The following PFKFB4 variants were observed in gnomAD, a reference collection of about 807,000 sequenced individuals.
PFKFB4 encodes 6-phosphofructo-2-kinase/fructose-2,6-biphosphatase 4, also known as 6-phosphofructo-2-kinase/fructose-2,6-bisphosphatase 4.
PFKFB4 carries 42 observed loss-of-function variants against 62.8 expected under a neutral mutation model. The ratio of observed to expected loss-of-function variants is 0.67; its 90% confidence interval spans 0.52 to 0.86. The LOEUF is 0.86. Ranked by LOEUF, PFKFB4 falls within the 40% of genes least tolerant of loss-of-function variation. The probability of loss-of-function intolerance (pLI) is 0.00; values close to 1 mark genes in which losing one functional copy is unlikely to be tolerated. For missense variants in PFKFB4, 475 were observed against 627.2 expected (o/e 0.76, Z 2.59); for synonymous variants, 204 against 240.7 (o/e 0.85, Z 1.41).
At chr3:48,527,891 G>A (rs920966817) in intron 9 of PFKFB4, among the ~76,000 whole-genome samples, 1 of 151,988 alleles carries the variant, frequency 6.6e-6, no homozygotes, top group African/African-American at 2.4e-5. Flanking sequence ...GTTTCGCCAT[G>A]TTGACCAGGC....
intron 10 of PFKFB4, among the ~76,000 whole-genome samples, chr3:48,524,709 T>C (rs2042202663): frequency 6.6e-6 from 1 of 152,194 alleles, no homozygotes; most frequent in Non-Finnish European, 1.5e-5. Context: ...GATGGTACAG[T>C]GTAGAGACCT....
Position 48,520,949 on chromosome 3 carries a change from G to A in PFKFB4, c.1350+1037C>T, listed in dbSNP as rs148745947. ...GCCTTCCTTGGCCCAAAGGATGCCC[G>A]TTGGGAGGTACGTTCCCCTGTGACT... On this transcript the variant is annotated intron_variant, in intron 13 of 13. Transcript: ENST00000232375. Among the ~76,000 whole-genome samples the A allele has an allele frequency of 5.4e-3, 822 of 152,330 alleles. 7 individuals carry two copies. The highest frequency in any genetic ancestry group is 0.018 in the African/African-American group (735 of 41,576).
rs147304750 is a variant in PFKFB4, at chr3:48,533,593, A to T, written c.987+1919T>A. On this transcript the variant is annotated intron_variant, in intron 9 of 13. Coordinates refer to ENST00000232375, the MANE Select transcript of PFKFB4 (RefSeq NM_004567.4). ...AAATTGGCAGGGCGCTGTGGCTGAC[A>T]CCTGTAATCCTAGAACTTTGGGAGG... is the stretch of plus-strand genomic sequence containing the variant. Among the ~76,000 whole-genome samples the T allele has an allele frequency of 7.6e-3, 1,160 of 152,306 alleles. 16 individuals are homozygous for T. Among genetic ancestry groups the T allele is most frequent in the African/African-American group, 0.027 (1,111 of 41,574 alleles).
chr3:48,536,570 A>G, intron 7 of PFKFB4, 107 bp from the exon 8 acceptor site: 2 of 798,082 alleles, frequency 2.5e-6, no homozygotes, highest in Non-Finnish European at 4.1e-6. Flanking sequence ...ACTTCCAACC[A>G]CCAGAGATTA....
chr3:48,522,627 G>T (rs751896400), intron 12 of PFKFB4, among the ~76,000 whole-genome samples: 62 of 152,336 alleles, frequency 4.1e-4, no homozygotes, highest in Non-Finnish European at 8.1e-4. Context: ...CCAGAATAAA[G>T]TCCAGGCCCT....
intron 3 of PFKFB4, among the ~76,000 whole-genome samples, chr3:48,546,200 G>A (rs1322487492): frequency 6.6e-6 from 1 of 152,150 alleles, no homozygotes. Context: ...ACACGAGCGT[G>A]CACAACCCCT....
upstream of PFKFB4, among the ~76,000 whole-genome samples, chr3:48,558,953 C>T (rs1312500491): frequency 1.3e-5 from 2 of 152,234 alleles, no homozygotes; most frequent in Non-Finnish European, 2.9e-5. Flanking sequence ...CATGCCCACA[C>T]CCTGTCTAAC....
intron 4 of PFKFB4, among the ~76,000 whole-genome samples, chr3:48,543,267 A>G (rs2042851677): frequency 6.6e-6 from 1 of 152,178 alleles, no homozygotes; most frequent in African/African-American, 2.4e-5. Flanking sequence ...ACACCAGGAG[A>G]AATCACATTT....
At chr3:48,560,971 C>T, upstream of PFKFB4, 1 of 674,526 alleles carries the variant, frequency 1.5e-6, no homozygotes, top group Non-Finnish European at 2.0e-6. Flanking sequence ...CCCCAACACT[C>T]TCGCACCCCT....
At chr3:48,557,925 AT>A (rs879300393), upstream of PFKFB4, among the ~76,000 whole-genome samples, 4 of 150,866 alleles carry the variant, frequency 2.7e-5, no homozygotes, top group Admixed American at 6.6e-5. Flanking sequence ...ATTTTTTACA[AT>A]TTTTTTTTGA....
chr3:48,527,074 A>G (rs6806059), intron 9 of PFKFB4, among the ~76,000 whole-genome samples: 24,734 of 152,074 alleles, frequency 0.16, 4,675 homozygotes, highest in African/African-American at 0.46. Flanking sequence ...AAGGATTACC[A>G]GCAACAACTG....
chr3:48,556,891 A>C (rs2107612583), upstream of PFKFB4: 8 of 1,440,756 alleles, frequency 5.6e-6, no homozygotes, highest in Non-Finnish European at 7.3e-6. This position sits in a 1 kb window ranked among gnomAD's most constrained non-coding sequence, Gnocchi z 5.7. Context: ...GCGACAGCCC[A>C]TGTCTATCTT....
chr3:48,536,166 C>T, intron 8 of PFKFB4, 90 bp downstream of exon 8: 2 of 1,093,982 alleles, frequency 1.8e-6, no homozygotes, highest in Non-Finnish European at 2.7e-6. Flanking sequence ...GAATGGGAGC[C>T]TAGCCCCAGC....
At position 48,536,387 on chromosome 3, in the gene PFKFB4, G is replaced by A. The variant is rs142674001; in HGVS notation, c.709C>T (p.Arg237Cys). The A allele has an allele frequency of 2.2e-5, 36 of 1,614,070 alleles. No individual in the cohort carries two copies. Among genetic ancestry groups the A allele is most frequent in the South Asian group, 3.3e-5 (3 of 91,092 alleles). ...ATGTTCATGAGGTAATATACGATGCGGCTCTGGATGTGGTCAGCCACACGG... is the reference window on the plus strand; with the variant it reads ...ATGTTCATGAGGTAATATACGATGCAGCTCTGGATGTGGTCAGCCACACGG... ...VNRVADHIQS[R>C]IVYYLMNIHV... Residue 237 changes from arginine (R) to cysteine (C), a missense_variant, in exon 8 of 14, where the codon CGC becomes TGC. Coordinates refer to ENST00000232375, the MANE Select transcript of PFKFB4 (RefSeq NM_004567.4).
chr3:48,545,653 G>C (rs1297359447), intron 3 of PFKFB4, among the ~76,000 whole-genome samples: 1 of 150,748 alleles, frequency 6.6e-6, no homozygotes, highest in Non-Finnish European at 1.5e-5. Context: ...TTTTTTAAGA[G>C]ACAGGGTCTC....
chr3:48,560,814 G>C (rs546882279), upstream of PFKFB4, among the ~76,000 whole-genome samples: 1 of 151,980 alleles, frequency 6.6e-6, no homozygotes. Context: ...GCCAGCTGGC[G>C]GTCCCTCCCC....
upstream of PFKFB4, chr3:48,562,695 C>T: frequency 7.1e-6 from 9 of 1,267,760 alleles, no homozygotes; most frequent in Non-Finnish European, 7.5e-6. The surrounding 1 kb of genome is among the most constrained non-coding windows in gnomAD (Gnocchi z 4.3). Context: ...CACTGTATGC[C>T]CAGATGTGGC....
At chr3:48,551,519 CTTTTTTTTTTTTT>C (rs71074260) in intron 1 of PFKFB4, among the ~76,000 whole-genome samples, 8 of 29,118 alleles carry the variant, frequency 2.7e-4, no homozygotes, top group Admixed American at 6.2e-4. Context: ...CTCCAGCCTT[CTTTTTTTTTTTTT>C]TTTTTTTTTT....
At chr3:48,522,434 G>A (rs1179525630) in intron 12 of PFKFB4, among the ~76,000 whole-genome samples, 1 of 152,210 alleles carries the variant, frequency 6.6e-6, no homozygotes, top group Non-Finnish European at 1.5e-5. Context: ...GGTGCACAGT[G>A]CAATGGGGGA....
Sources: allele counts gnomAD v4.1 joint callset (sites outside exome capture counted in the v4.1 genomes callset), GRCh38; gene constraint gnomAD v4.1.1; non-coding constraint Gnocchi (gnomAD v3.1); transcripts MANE v1.5; gene names NCBI Gene and HGNC (gene_info 2026-07-23, HGNC 2026-07-21).